Variants in LTN1 observed in about 807,000 individuals in gnomAD.
LTN1 encodes the protein listerin E3 ubiquitin protein ligase 1.
LTN1 carries 88 observed loss-of-function variants against 201.2 expected under a neutral mutation model. The observed-to-expected ratio is 0.44, with a 90% CI of 0.37 to 0.52. The LOEUF is 0.52. Among genes scored for constraint, LTN1 ranks in the 20% least tolerant of loss-of-function variants. The pLI, the probability that LTN1 is intolerant of heterozygous loss-of-function variation, is 0.00. For synonymous variants in LTN1, 645 were observed against 713.5 expected, an observed-to-expected ratio of 0.90 and a Z score of 1.53; for missense variants, 1,752 against 2,038.7, an observed-to-expected ratio of 0.86 and a Z score of 2.71.
chr21:28,981,143 C>A lies in LTN1; in HGVS notation c.786G>T (p.Lys262Asn). 1 of 1,570,980 alleles carries A rather than the reference C, an allele frequency of 6.4e-7. No individual in the cohort carries two copies. Among genetic ancestry groups the A allele is most frequent in the Non-Finnish European group, 8.6e-7 (1 of 1,165,912 alleles). The change falls in exon 6 of 30, where the codon AAG becomes AAT. Residue 262 changes from lysine (K) to asparagine (N), a missense_variant. By Grantham distance (94) the Lys-to-Asn change is moderately conservative (BLOSUM62 0). This residue lies in a region of LTN1 where 280 missense variants were observed against 375.7 expected (regional missense o/e 0.75). Coordinates refer to ENST00000361371, the MANE Select transcript of LTN1 (RefSeq NM_015565.3). ...KSLLSQNKFWKYGKHSVPQIR... is the reference protein window; with the variant it reads ...KSLLSQNKFWNYGKHSVPQIR... ...CCTGAGGTACACTGTGTTTTCCATA[C>A]TTCCAAAACTTATTCTGTGATAAAA...
Position 28,957,358 on chromosome 21 carries a change from T to G in LTN1, c.2866A>C (p.Lys956Gln). Residue 956 changes from lysine to glutamine, a missense_variant, in exon 15 of 30, where the codon AAG becomes CAG. By Grantham distance (53) the Lys-to-Gln change is moderately conservative (BLOSUM62 1). Coordinates refer to ENST00000361371, the MANE Select transcript of LTN1 (RefSeq NM_015565.3). ...TGCATAGGAAGAGACTGCCTCATCT[T>G]TTCCCATTCACTGTCGTTCGGCATT... The part of the protein sequence containing the change: ...SVMPNDSEWE[K>Q]MRQSLPMQWL... 1 of 1,603,650 alleles carries G rather than the reference T, an allele frequency of 6.2e-7. No individual in the cohort carries two copies. The highest frequency in any genetic ancestry group is 8.5e-7 in the Non-Finnish European group (1 of 1,176,238).
chr21:28,945,715 T>C, intron 21 of LTN1, 92 bp downstream of exon 21: 1 of 1,156,084 alleles, frequency 8.6e-7, no homozygotes, highest in Non-Finnish European at 1.2e-6. Flanking sequence ...CCAATTACAA[T>C]CATCACTTAA....
chr21:28,963,221 G>A (rs555112221), intron 11 of LTN1, among the ~76,000 whole-genome samples: 3 of 152,350 alleles, frequency 2.0e-5, no homozygotes, highest in South Asian at 2.1e-4. Flanking sequence ...ATTAGAAGAA[G>A]ATGTCATCTA....
rs1405531812 is a variant in LTN1 at position 28,984,887 on chromosome 21, T to C, written c.381A>G (p.Gln127=). The C allele has an allele frequency of 1.2e-6, 2 of 1,614,098 alleles. No individual in the cohort carries two copies. The highest frequency in any genetic ancestry group is 2.2e-5 in the East Asian group (1 of 44,882). Residue 127 remains glutamine, a synonymous_variant, in exon 4 of 30, where the codon CAA becomes CAG. Transcript: ENST00000361371. The stretch of plus-strand genomic sequence containing the variant: ...CTTTAAGGATAAGTTTTTCAAAAGC[T>C]TGTTGTGTGGCTTCTCGGACGCGAC... ...HDRRVREATQ[Q]AFEKLILKVK... is the part of the protein sequence containing the mutation.
chr21:28,932,729 T>C, intron 27 of LTN1, 65 bp from the exon 28 acceptor site: 6 of 1,082,324 alleles, frequency 5.5e-6, no homozygotes, highest in South Asian at 1.4e-5. Flanking sequence ...AACATTTTGA[T>C]AGGTTGACTA....
chr21:28,931,718 T>C (rs1325647483), intron 28 of LTN1, among the ~76,000 whole-genome samples: 4 of 152,242 alleles, frequency 2.6e-5, no homozygotes, highest in African/African-American at 2.4e-5. Flanking sequence ...ATAGTTTTTC[T>C]TGGCCGGGAG....
intron 22 of LTN1, 132 bp from the exon 23 acceptor site, chr21:28,944,036 C>T (rs2084318008): frequency 1.5e-6 from 1 of 652,952 alleles, no homozygotes; most frequent in East Asian, 2.6e-5. Flanking sequence ...GCAGTCTTAA[C>T]TAGAAACATG....
chr21:28,944,338 C>A, intron 22 of LTN1, 45 bp downstream of exon 22: 1 of 1,457,174 alleles, frequency 6.9e-7, no homozygotes, highest in Non-Finnish European at 9.6e-7. Flanking sequence ...TTCAGTAAGT[C>A]ATTTCCAATG....
chr21:28,986,504 T>C lies in LTN1; in HGVS notation c.246+227A>G, dbSNP rs1022269348. 9 of 656,422 alleles carry C rather than the reference T, an allele frequency of 1.4e-5. No homozygotes were observed. The Admixed American group carries it at 2.5e-4, about 18-fold the overall frequency. 40.7% of individuals were successfully genotyped at this position (656,422 alleles called of 1,614,324 possible). A position where few individuals can be genotyped will look rare whatever the true frequency, so the allele number is the denominator to read the frequency against. The stretch of plus-strand genomic sequence containing the variant: ...TTACATTCCCTAATGGGAAAAACTA[T>C]ACAGCCAAAATTCCAAAGCACTTTA... On this transcript the variant is annotated intron_variant, in intron 2 of 29. Coordinates refer to ENST00000361371, the MANE Select transcript of LTN1 (RefSeq NM_015565.3). This position sits in a 1 kb window ranked among gnomAD's most constrained non-coding sequence, Gnocchi z 4.1.
intron 1 of LTN1, among the ~76,000 whole-genome samples, chr21:28,989,178 A>G (rs1434816771): frequency 2.0e-5 from 3 of 152,220 alleles, no homozygotes; most frequent in Non-Finnish European, 2.9e-5. Flanking sequence ...ATTTTCTACA[A>G]TCTCATGTGT....
In LTN1 at chr21:28,982,780, G is replaced by T. The variant is rs147532635; in HGVS notation, c.577-412C>A. Among the ~76,000 whole-genome samples, 113 of 152,270 alleles carry T rather than the reference G, an allele frequency of 7.4e-4. 1 individual carries two copies. In the East Asian group the frequency reaches 0.019, roughly 25 times the overall value. ...GAAGGTATGAGGTTTTCAAATATACGGAAGTCTGTTTCCTCCTGGGGTGCA... is the reference window on the plus strand; with the variant it reads ...GAAGGTATGAGGTTTTCAAATATACTGAAGTCTGTTTCCTCCTGGGGTGCA... On this transcript the variant is annotated intron_variant, in intron 4 of 29. Coordinates refer to ENST00000361371, the MANE Select transcript of LTN1 (RefSeq NM_015565.3).
At chr21:28,978,984 C>T (rs75593011) in intron 6 of LTN1, among the ~76,000 whole-genome samples, 17,250 of 151,920 alleles carry the variant, frequency 0.11, 1,277 homozygotes, top group East Asian at 0.39. Flanking sequence ...GGCTAGAATA[C>T]AAGGTTATGT....
Position 28,984,730 on chromosome 21 carries a change from G to C in LTN1, c.538C>G (p.Pro180Ala). The C allele has an allele frequency of 1.2e-6, 2 of 1,613,878 alleles. No homozygotes were observed. The highest frequency in any genetic ancestry group is 1.7e-6 in the Non-Finnish European group (2 of 1,179,932). The change falls in exon 4 of 30, where the codon CCT (proline) becomes GCT (alanine). Residue 180 changes from proline to alanine, a missense_variant. Coordinates refer to ENST00000361371, the MANE Select transcript of LTN1 (RefSeq NM_015565.3). ...FEAAFPPSKQ[P>A]EAIAFCKDEI... ...TCCTTACAAAATGCTATGGCTTCAG[G>C]TTGCTTGCTTGGAGGAAAAGCCGCT...
intron 1 of LTN1, among the ~76,000 whole-genome samples, chr21:28,988,420 T>C (rs928231465): frequency 5.3e-5 from 8 of 151,374 alleles, no homozygotes; most frequent in African/African-American, 9.7e-5. Flanking sequence ...TGAGTCAAGA[T>C]TGTGCTACTG....
intron 21 of LTN1, among the ~76,000 whole-genome samples, chr21:28,945,402 T>C (rs1184187572): frequency 6.6e-6 from 1 of 152,168 alleles, no homozygotes; most frequent in Admixed American, 6.5e-5. Flanking sequence ...GGTCAAAAAT[T>C]ACACTAATTC....
rs142308375 is a variant in LTN1, at chr21:28,950,938, A to G, written c.3344+1222T>C. ...GGCTGAGGCTATATATGGATAACGCAAGGGATCCTGATAATGAAACTGTTC... is the reference window on the plus strand; with the variant it reads ...GGCTGAGGCTATATATGGATAACGCGAGGGATCCTGATAATGAAACTGTTC... On this transcript the variant is annotated intron_variant, in intron 18 of 29. Transcript: ENST00000361371. Among the ~76,000 whole-genome samples the G allele has an allele frequency of 5.1e-4, 78 of 152,318 alleles. No homozygotes were observed. The East Asian group carries it at 0.013, about 26-fold the overall frequency.
At chr21:28,988,169 A>AAAAC (rs375522561) in intron 1 of LTN1, among the ~76,000 whole-genome samples, 10 of 136,896 alleles carry the variant, frequency 7.3e-5, no homozygotes, top group Non-Finnish European at 1.1e-4. Context: ...ACAAAAAAAA[A>AAAAC]CAAATTGCTC....
In LTN1 at chr21:28,932,489, C is replaced by T. The variant is rs1486570910; in HGVS notation, c.5051G>A (p.Ser1684Asn). The change falls in exon 28 of 30, where the codon AGC becomes AAC. Residue 1684 changes from serine (S) to asparagine (N), a missense_variant. Transcript: ENST00000361371. ...QQWRNWMLQL[S>N]TYLTHQNGSI... ...ACTTACCTGATGGGTGAGGTAAGTG[C>T]TTAACTGCAGCATCCAGTTCCGCCA... The T allele has an allele frequency of 1.9e-6, 3 of 1,613,772 alleles. No homozygotes were observed. The highest frequency in any genetic ancestry group is 2.2e-5 in the East Asian group (1 of 44,870).
chr21:28,983,910 T>C (rs1037844967), intron 4 of LTN1, among the ~76,000 whole-genome samples: 2 of 152,126 alleles, frequency 1.3e-5, no homozygotes, highest in African/African-American at 2.4e-5. Flanking sequence ...ATATTGGGAA[T>C]AGAAAATGAA....
Sources: allele counts gnomAD v4.1 joint callset (sites outside exome capture counted in the v4.1 genomes callset), GRCh38; gene constraint gnomAD v4.1.1; regional missense constraint gnomAD v4.1.1; non-coding constraint Gnocchi (gnomAD v3.1); transcripts MANE v1.5; gene names NCBI Gene and HGNC (gene_info 2026-07-23, HGNC 2026-07-21).